Variants in SYN3 observed in about 807,000 individuals in gnomAD.
SYN3 encodes synapsin III.
Under a neutral mutation model 65.8 loss-of-function variants are expected in SYN3, and 35 were observed. The ratio of observed to expected loss-of-function variants is 0.53; its 90% confidence interval spans 0.41 to 0.70. SYN3 has a LOEUF of 0.70. SYN3 is among the 30% of genes least tolerant of loss of function. The pLI is 0.00. For missense variants in SYN3, 680 were observed against 749.0 expected, an observed-to-expected ratio of 0.91 and a Z score of 1.08; for synonymous variants, 270 against 292.9, an observed-to-expected ratio of 0.92 and a Z score of 0.80.
At chr22:33,004,516 G>A (rs2053149505) in intron 2 of SYN3, among the ~76,000 whole-genome samples, 1 of 152,220 alleles carries the variant, frequency 6.6e-6, no homozygotes, top group South Asian at 2.1e-4. Context: ...TGTGAGACAT[G>A]GAGTCAAAGG....
At chr22:32,797,470 A>C (rs1408904311) in intron 6 of SYN3, among the ~76,000 whole-genome samples, 1 of 152,120 alleles carries the variant, frequency 6.6e-6, no homozygotes, top group African/African-American at 2.4e-5. Flanking sequence ...GGTGACATCT[A>C]AGCTGAGGTC....
chr22:32,544,598 AT>A (rs1398699043), intron 7 of SYN3, among the ~76,000 whole-genome samples: 1 of 152,128 alleles, frequency 6.6e-6, no homozygotes, highest in African/African-American at 2.4e-5. Flanking sequence ...GGGAAATATG[AT>A]TTCTGTACCA....
chr22:32,619,712 G>C (rs1024658030), intron 6 of SYN3, among the ~76,000 whole-genome samples: 1 of 152,178 alleles, frequency 6.6e-6, no homozygotes, highest in Non-Finnish European at 1.5e-5. Flanking sequence ...GAAGGCATCT[G>C]TTTTCCCACC....
At chr22:33,015,711 G>A (rs997554514) in intron 1 of SYN3, among the ~76,000 whole-genome samples, 4 of 152,226 alleles carry the variant, frequency 2.6e-5, no homozygotes, top group Admixed American at 1.3e-4. Flanking sequence ...AATGAGCACC[G>A]AATTTTGAAT....
At chr22:32,894,944 T>C (rs2049550451) in intron 4 of SYN3, among the ~76,000 whole-genome samples, 1 of 152,204 alleles carries the variant, frequency 6.6e-6, no homozygotes, top group African/African-American at 2.4e-5. Context: ...TGATCCATAG[T>C]ATAAACCTCC....
chr22:32,832,731 GC>G (rs2047612997), intron 6 of SYN3, among the ~76,000 whole-genome samples: 1 of 150,618 alleles, frequency 6.6e-6, no homozygotes, highest in Non-Finnish European at 1.5e-5. Context: ...AGATATACTC[GC>G]CCCTCTCTTT....
intron 7 of SYN3, among the ~76,000 whole-genome samples, chr22:32,546,541 C>T (rs535985540): frequency 6.6e-6 from 1 of 152,030 alleles, no homozygotes; most frequent in East Asian, 1.9e-4. Context: ...TCTGGAGCCT[C>T]GGTGGGTGGG....
At chr22:32,900,240 CTGAAA>C (rs1191380831) in intron 4 of SYN3, among the ~76,000 whole-genome samples, 1 of 152,146 alleles carries the variant, frequency 6.6e-6, no homozygotes, top group Admixed American at 6.5e-5. Context: ...CAAGAGAGAG[CTGAAA>C]TGAAATTGGG....
intron 2 of SYN3, among the ~76,000 whole-genome samples, 156 bp from the exon 3 acceptor site, chr22:32,980,858 T>A (rs1177892345): frequency 6.6e-6 from 1 of 151,984 alleles, no homozygotes; most frequent in Non-Finnish European, 1.5e-5. Context: ...CTCAGTCTTT[T>A]TTTTTTTTCT....
intron 4 of SYN3, among the ~76,000 whole-genome samples, chr22:32,882,063 A>C (rs1029466283): frequency 1.3e-5 from 2 of 151,938 alleles, no homozygotes; most frequent in Non-Finnish European, 2.9e-5. Flanking sequence ...CAAAAAAAAA[A>C]AAAAAGGAAC....
At chr22:32,921,433 C>T (rs1282904979) in intron 4 of SYN3, among the ~76,000 whole-genome samples, 1 of 152,226 alleles carries the variant, frequency 6.6e-6, no homozygotes, top group Non-Finnish European at 1.5e-5. Context: ...CTTCACTCTG[C>T]ACCCTGGAGA....
chr22:32,683,244 G>A (rs1389058957), intron 6 of SYN3, among the ~76,000 whole-genome samples: 2 of 152,058 alleles, frequency 1.3e-5, no homozygotes, highest in African/African-American at 4.8e-5. Context: ...GGAGCGGGGT[G>A]GGGGGCAGTG....
rs549131039 is a variant in SYN3 at position 32,626,558 on chromosome 22, C to T, written c.712-29822G>A. On this transcript the variant is annotated intron_variant, in intron 6 of 13. Transcript: ENST00000358763. ...GTTTTTCAGAGGGGAGGAAGGAAGG[C>T]GGGAAAGGAATGAGCACTTGGGCAG... Among the ~76,000 whole-genome samples the T allele has an allele frequency of 1.1e-4, 17 of 152,024 alleles. No homozygotes were observed. In the South Asian group the frequency reaches 1.7e-3, roughly 15 times the overall value.
chr22:32,915,097 G>A (rs950181977), intron 4 of SYN3, among the ~76,000 whole-genome samples: 1 of 152,100 alleles, frequency 6.6e-6, no homozygotes, highest in African/African-American at 2.4e-5. Context: ...ACAGGGAGAG[G>A]AACATCACAC....
chr22:33,007,831 T>C (rs960063510), intron 1 of SYN3, among the ~76,000 whole-genome samples: 1 of 152,258 alleles, frequency 6.6e-6, no homozygotes, highest in Non-Finnish European at 1.5e-5. Flanking sequence ...GTAACATAAG[T>C]TTAAAAAACC....
intron 4 of SYN3, among the ~76,000 whole-genome samples, chr22:32,930,514 T>G (rs918990421): frequency 6.6e-6 from 1 of 151,898 alleles, no homozygotes; most frequent in African/African-American, 2.4e-5. Flanking sequence ...ACATGCACCT[T>G]TTTTTTTGGA....
intron 6 of SYN3, among the ~76,000 whole-genome samples, chr22:32,746,764 A>G (rs1416605978): frequency 6.6e-6 from 1 of 152,212 alleles, no homozygotes; most frequent in East Asian, 1.9e-4. Flanking sequence ...CCAGGTGCCC[A>G]GGGCCCAGGG....
chr22:32,642,550 C>A (rs2059917281), intron 6 of SYN3, among the ~76,000 whole-genome samples: 2 of 151,994 alleles, frequency 1.3e-5, no homozygotes, highest in South Asian at 4.2e-4. Flanking sequence ...ACGCTATTCT[C>A]CTGCCTCAGC....
At chr22:32,626,865 C>T (rs139991806) in intron 6 of SYN3, among the ~76,000 whole-genome samples, 5 of 152,128 alleles carry the variant, frequency 3.3e-5, no homozygotes, top group Non-Finnish European at 7.3e-5. Context: ...TGTGTTGAAA[C>T]GATGAAAATG....
Sources: allele counts gnomAD v4.1 joint callset (sites outside exome capture counted in the v4.1 genomes callset), GRCh38; gene constraint gnomAD v4.1.1; transcripts MANE v1.5; gene names NCBI Gene and HGNC (gene_info 2026-07-23, HGNC 2026-07-21).